Variants in SLIT1 observed in about 807,000 individuals in gnomAD.
SLIT1 encodes the protein slit guidance ligand 1.
SLIT1 carries 66 observed loss-of-function variants against 186.1 expected under a neutral mutation model. The ratio of observed to expected loss-of-function variants is 0.35; its 90% CI spans 0.29 to 0.44. SLIT1 has a LOEUF of 0.44. Ranked by LOEUF, SLIT1 falls within the 20% of genes least tolerant of loss-of-function variation. The probability of loss-of-function intolerance (pLI) is 1.00; values close to 1 mark genes in which losing one functional copy is unlikely to be tolerated. For missense variants in SLIT1, 1,638 were observed against 2,037.4 expected (o/e 0.80, Z 3.77); for synonymous variants, 761 against 833.8 (o/e 0.91, Z 1.50).
chr10:97,024,263 C>G (rs1848526324), intron 25 of SLIT1, among the ~76,000 whole-genome samples: 1 of 152,108 alleles, frequency 6.6e-6, no homozygotes, highest in African/African-American at 2.4e-5. Context: ...AATAGCTCAG[C>G]TGATGATTCA....
chr10:97,006,446 C>T lies in SLIT1; in HGVS notation c.3579+37G>A, dbSNP rs1449672973. ...GGCCTAAGCCAGGGTCGCCTGCTCC[C>T]TGACTCCCCTCTGTGACCAAGCCCC... On this transcript the variant is annotated intron_variant, in intron 32 of 36. Coordinates refer to ENST00000266058, the MANE Select transcript of SLIT1 (RefSeq NM_003061.3). The surrounding 1 kb of genome is among the most constrained non-coding windows in gnomAD (Gnocchi z 4.0). 3 of 1,504,740 alleles carry T rather than the reference C, an allele frequency of 2.0e-6. No individual in the cohort carries two copies. The highest frequency in any genetic ancestry group is 2.8e-6 in the Non-Finnish European group (3 of 1,082,178). 93.2% of individuals were successfully genotyped at this position (1,504,740 alleles called of 1,614,324 possible).
At chr10:97,181,970 G>A (rs535638505) in intron 1 of SLIT1, among the ~76,000 whole-genome samples, 1 of 152,290 alleles carries the variant, frequency 6.6e-6, no homozygotes, top group Admixed American at 6.5e-5. Flanking sequence ...GGTCGTTGTG[G>A]AAGAAAAAAA....
intron 1 of SLIT1, among the ~76,000 whole-genome samples, chr10:97,183,203 C>T (rs1313107933): frequency 1.3e-5 from 2 of 152,166 alleles, no homozygotes; most frequent in African/African-American, 2.4e-5. Flanking sequence ...GCTGCCTGGC[C>T]CTCTCCTGAG....
At chr10:97,056,632 C>T (rs1054183182) in intron 12 of SLIT1, among the ~76,000 whole-genome samples, 168 bp from the exon 13 acceptor site, 28 of 152,180 alleles carry the variant, frequency 1.8e-4, no homozygotes, top group Admixed American at 1.5e-3. Flanking sequence ...GAGAGGGGCC[C>T]GGAACTCCGA....
chr10:97,118,543 C>T lies in SLIT1; in HGVS notation c.413+39275G>A, dbSNP rs1377981055. 2.6e-5 allele frequency among the ~76,000 whole-genome samples: 4 copies of T among 152,200 alleles called. 1 individual carries two copies. Among genetic ancestry groups the T allele is most frequent in the South Asian group, 2.1e-4 (1 of 4,824 alleles). ...GCTCCTCTATCTCCAAAATGGCCGT[C>T]GCAGGTTCTGACCTTCAATAGAAAA... On this transcript the variant is annotated intron_variant, in intron 4 of 36. Coordinates refer to ENST00000266058, the MANE Select transcript of SLIT1 (RefSeq NM_003061.3).
intron 20 of SLIT1, among the ~76,000 whole-genome samples, 158 bp from the exon 21 acceptor site, chr10:97,040,278 C>T (rs1440037386): frequency 4.6e-5 from 7 of 152,154 alleles, no homozygotes; most frequent in Admixed American, 4.6e-4. Flanking sequence ...CCCCGCCAGC[C>T]ACCACCGCCA....
At chr10:97,159,735 T>G (rs890932262) in intron 3 of SLIT1, among the ~76,000 whole-genome samples, 1 of 152,144 alleles carries the variant, frequency 6.6e-6, no homozygotes, top group Non-Finnish European at 1.5e-5. Flanking sequence ...ATTAGGGGCA[T>G]GAGCTCATCG....
intron 4 of SLIT1, among the ~76,000 whole-genome samples, chr10:97,066,856 C>T (rs966561256): frequency 1.3e-5 from 2 of 152,176 alleles, no homozygotes; most frequent in African/African-American, 4.8e-5. Context: ...CCCACAGCAT[C>T]GTGCAGGGCG....
rs752400171 is a variant in SLIT1 at position 97,063,556 on chromosome 10, C to T, written c.692G>A (p.Arg231Lys). The T allele has an allele frequency of 9.9e-6, 16 of 1,613,256 alleles. No individual in the cohort carries two copies. Among genetic ancestry groups the T allele is most frequent in the African/African-American group, 1.3e-5 (1 of 74,898 alleles). Residue 231 changes from arginine to lysine, a missense_variant, in exon 8 of 37, where the codon AGG becomes AAG. By Grantham distance (26) the Arg-to-Lys change is conservative. This residue lies in a region of SLIT1 where 1,245 missense variants were observed against 1,535.3 expected (regional missense o/e 0.81). Coordinates refer to ENST00000266058, the MANE Select transcript of SLIT1 (RefSeq NM_003061.3). ...GAAGAGCCCGATGGTTGGCCGCTGCCTCAGCCACTGCGAGAGCCAGGCCAG... is the reference window on the plus strand; with the variant it reads ...GAAGAGCCCGATGGTTGGCCGCTGCTTCAGCCACTGCGAGAGCCAGGCCAG... ...CHLAWLSQWL[R>K]QRPTIGLFTQ...
In SLIT1 at chr10:97,044,485, G is replaced by T. The variant is rs371544493; in HGVS notation, c.1854-972C>A. 6.6e-4 allele frequency among the ~76,000 whole-genome samples: 100 copies of T among 151,924 alleles called. No homozygotes were observed. In the South Asian group the frequency reaches 0.014, roughly 21 times the overall value. On this transcript the variant is annotated intron_variant, in intron 18 of 36. Coordinates refer to ENST00000266058, the MANE Select transcript of SLIT1 (RefSeq NM_003061.3). ...AAAAACAAAAACCAAGTCAACACAG[G>T]GTAGCCAACTCACAAAAGAAATTAA...
intron 4 of SLIT1, among the ~76,000 whole-genome samples, chr10:97,126,909 C>T (rs1169943313): frequency 6.6e-6 from 1 of 152,202 alleles, no homozygotes; most frequent in East Asian, 1.9e-4. Flanking sequence ...CTGCCCTTCT[C>T]ATCTCCCTGA....
Position 97,049,122 on chromosome 10 carries a change from T to TCCAAAGCA in SLIT1, c.1302-12_1302-5dup. On this transcript the variant is annotated splice_region_variant and splice_polypyrimidine_tract_variant and intron_variant, in intron 13 of 36. Transcript: ENST00000266058. ...GAAAGGGTTCTGCGCCAGGTGCCTG[T>TCCAAAGCA]CCAAAGCAGGCAGATCAGCTATGAG... The TCCAAAGCA allele has an allele frequency of 6.2e-7, 1 of 1,611,844 alleles. No individual in the cohort carries two copies.
At chr10:97,039,770 C>A (rs990238912) in intron 21 of SLIT1, among the ~76,000 whole-genome samples, 4 of 151,742 alleles carry the variant, frequency 2.6e-5, no homozygotes. Flanking sequence ...CGCTGCCATG[C>A]GGTCATCAGG....
chr10:97,086,921 G>GT (rs1042637828), intron 4 of SLIT1, among the ~76,000 whole-genome samples: 1 of 152,086 alleles, frequency 6.6e-6, no homozygotes, highest in Non-Finnish European at 1.5e-5. Flanking sequence ...TGATAATGAT[G>GT]TGTCAACATA....
intron 18 of SLIT1, among the ~76,000 whole-genome samples, chr10:97,044,350 G>A (rs1342753649): frequency 6.6e-6 from 1 of 152,106 alleles, no homozygotes; most frequent in Non-Finnish European, 1.5e-5. Flanking sequence ...AAGCTATGAT[G>A]GCACTACTGC....
At chr10:97,136,025 GCTGA>G (rs1388015701) in intron 4 of SLIT1, among the ~76,000 whole-genome samples, 1 of 152,146 alleles carries the variant, frequency 6.6e-6, no homozygotes, top group Non-Finnish European at 1.5e-5. Flanking sequence ...GGGCCCTCGG[GCTGA>G]CTAACTTGAG....
chr10:97,087,310 G>A (rs1001865629), intron 4 of SLIT1, among the ~76,000 whole-genome samples: 2 of 152,140 alleles, frequency 1.3e-5, no homozygotes, highest in African/African-American at 4.8e-5. Context: ...AGCCCCAGAA[G>A]GAAATTCTGA....
At chr10:97,063,939 T>C (rs890600845) in intron 7 of SLIT1, among the ~76,000 whole-genome samples, 5 of 151,998 alleles carry the variant, frequency 3.3e-5, no homozygotes, top group Admixed American at 2.6e-4. Flanking sequence ...CAAAAACAAA[T>C]CATTTGTTTT....
At chr10:97,096,549 A>G (rs1338276609) in intron 4 of SLIT1, among the ~76,000 whole-genome samples, 1 of 152,190 alleles carries the variant, frequency 6.6e-6, no homozygotes, top group South Asian at 2.1e-4. Context: ...AGCTTCCAGC[A>G]GCCAAGCTAA....
Sources: gnomAD v4.1 joint callset for allele counts (sites outside exome capture counted in the v4.1 genomes callset) on GRCh38, gnomAD v4.1.1 for gene constraint, gnomAD v4.1.1 regional missense constraint, Gnocchi (gnomAD v3.1) non-coding constraint, MANE v1.5 for transcripts, NCBI Gene and HGNC (gene_info 2026-07-23, HGNC 2026-07-21) for gene names.